PDHX: variants seen among roughly 807,000 people sequenced by gnomAD.
The protein encoded by PDHX is pyruvate dehydrogenase complex component X.
In PDHX, 33 loss-of-function variants were observed where a neutral mutation model predicts 55.3. The observed-to-expected ratio is 0.60, with a 90% CI of 0.45 to 0.80. The LOEUF (loss-of-function observed/expected upper bound fraction) is 0.80, where lower values mean the gene tolerates loss of function less well. Among genes scored for constraint, PDHX ranks in the 30% least tolerant of loss-of-function variants. The probability of loss-of-function intolerance (pLI) is 0.00; values close to 1 mark genes in which losing one functional copy is unlikely to be tolerated. For synonymous variants in PDHX, 226 were observed against 219.4 expected (o/e 1.03, Z -0.27); for missense variants, 622 against 619.9 (o/e 1.00, Z -0.04).
At chr11:34,943,653 C>A (rs1854546804) in intron 2 of PDHX, among the ~76,000 whole-genome samples, 1 of 152,150 alleles carries the variant, frequency 6.6e-6, no homozygotes, top group South Asian at 2.1e-4. Flanking sequence ...TTGGTCTCTT[C>A]CTGCATATCT....
At chr11:34,935,183 T>A (rs187848337) in intron 2 of PDHX, among the ~76,000 whole-genome samples, 43 of 151,980 alleles carry the variant, frequency 2.8e-4, no homozygotes, top group African/African-American at 7.2e-4. Flanking sequence ...TAAATTTTTT[T>A]AATATATTTT....
chr11:34,959,707 A>G (rs922108678), intron 4 of PDHX, among the ~76,000 whole-genome samples: 7 of 152,186 alleles, frequency 4.6e-5, no homozygotes, highest in East Asian at 1.9e-4. Flanking sequence ...CCAAAATGCT[A>G]TGAAATGTGA....
chr11:34,918,347 G>A (rs992832976), intron 1 of PDHX, among the ~76,000 whole-genome samples: 1 of 152,050 alleles, frequency 6.6e-6, no homozygotes, highest in East Asian at 1.9e-4. Flanking sequence ...TGAGGCAGGA[G>A]GATCCGTTGA....
At chr11:34,917,651 A>G (rs961262257) in intron 1 of PDHX, among the ~76,000 whole-genome samples, 4 of 152,138 alleles carry the variant, frequency 2.6e-5, no homozygotes, top group African/African-American at 9.7e-5. Context: ...TAGGTCTAGT[A>G]GACGTTGCCT....
intron 2 of PDHX, 123 bp downstream of exon 2, chr11:34,931,607 T>C: frequency 1.5e-6 from 1 of 662,650 alleles, no homozygotes; most frequent in Non-Finnish European, 2.7e-6. Flanking sequence ...TTGTGTTCCT[T>C]TGGTAGTTAA....
At chr11:34,929,142 C>T (rs952273670) in intron 1 of PDHX, among the ~76,000 whole-genome samples, 5 of 82,398 alleles carry the variant, frequency 6.1e-5, no homozygotes, top group African/African-American at 2.0e-4. Context: ...CTCATTGTGG[C>T]TATTTTTCCT....
chr11:34,929,531 G>C (rs1854105368), intron 1 of PDHX, among the ~76,000 whole-genome samples: 1 of 152,186 alleles, frequency 6.6e-6, no homozygotes, highest in South Asian at 2.1e-4. Flanking sequence ...TGGGGAAAAG[G>C]CTTATAAGGA....
At chr11:34,972,464 C>T (rs568927782) in intron 7 of PDHX, among the ~76,000 whole-genome samples, 1 of 150,700 alleles carries the variant, frequency 6.6e-6, no homozygotes, top group African/African-American at 2.4e-5. Flanking sequence ...GTGGTGCGAT[C>T]TCGGTTCACT....
chr11:34,980,959 A>AG (rs1281634230), intron 8 of PDHX, among the ~76,000 whole-genome samples: 1 of 152,172 alleles, frequency 6.6e-6, no homozygotes, highest in Non-Finnish European at 1.5e-5. Context: ...GATTATTAAT[A>AG]GGCAGGGTTT....
intron 2 of PDHX, among the ~76,000 whole-genome samples, chr11:34,944,698 G>C (rs1028015916): frequency 3.3e-5 from 5 of 152,110 alleles, no homozygotes; most frequent in African/African-American, 1.2e-4. Flanking sequence ...ATGCTTGCCT[G>C]TTAATATTGC....
At position 34,995,112 on chromosome 11, in the gene PDHX, G is replaced by A; in HGVS notation, c.1446G>A (p.Leu482=). Residue 482 remains leucine, a synonymous_variant, in exon 11 of 11, where the codon CTG becomes CTA. Transcript: ENST00000227868. ...ACAGTCGAGTGGTTGATGACGAACT[G>A]GCAACCAGGTTTCTTAAAAGTTTTA... ...SSDSRVVDDE[L]ATRFLKSFKA... 6.2e-7 allele frequency: 1 copy of A among 1,613,980 alleles called. No homozygotes were observed. The highest frequency in any genetic ancestry group is 2.2e-5 in the East Asian group (1 of 44,874).
chr11:34,944,417 G>A (rs1417838224), intron 2 of PDHX, among the ~76,000 whole-genome samples: 1 of 152,106 alleles, frequency 6.6e-6, no homozygotes, highest in East Asian at 1.9e-4. Flanking sequence ...TACACGCCTG[G>A]CCACCCCAAT....
At chr11:34,916,569 TG>T, upstream of PDHX, 2 of 1,563,036 alleles carry the variant, frequency 1.3e-6, no homozygotes, top group South Asian at 1.2e-5. Flanking sequence ...CGCTAGCGTC[TG>T]GGGGCGTGGC....
intron 8 of PDHX, 54 bp from the exon 9 acceptor site, chr11:34,984,516 C>T: frequency 2.7e-6 from 4 of 1,465,424 alleles, no homozygotes; most frequent in South Asian, 2.3e-5. Context: ...TTTTCTGTAA[C>T]CGCCTTGGTC....
intron 9 of PDHX, among the ~76,000 whole-genome samples, chr11:34,986,621 A>T (rs907032343): frequency 6.6e-6 from 1 of 152,222 alleles, no homozygotes; most frequent in African/African-American, 2.4e-5. Context: ...GCAATTTACC[A>T]AATTTACTGC....
intron 2 of PDHX, among the ~76,000 whole-genome samples, chr11:34,942,930 AAG>A (rs1268835980): frequency 1.3e-5 from 2 of 152,216 alleles, no homozygotes; most frequent in East Asian, 3.8e-4. Flanking sequence ...TTTTTTAAAA[AAG>A]AAAAAAAGGC....
chr11:34,929,087 A>G (rs977603145), intron 1 of PDHX, among the ~76,000 whole-genome samples: 69 of 152,280 alleles, frequency 4.5e-4, no homozygotes, highest in Non-Finnish European at 2.9e-4. Flanking sequence ...TTTGTTCTTC[A>G]GTGTCTTCCA....
In PDHX at chr11:34,995,809, TCTAA is replaced by T. The variant is rs1855847027; in HGVS notation, c.*638_*641del. The T allele has an allele frequency of 6.6e-6, 1 of 152,590 alleles. No individual in the cohort carries two copies. The highest frequency in any genetic ancestry group is 2.1e-4 in the South Asian group (1 of 4,822). The allele number at this position is 152,590 out of a possible 1,614,324, so 9.5% of individuals were successfully genotyped here. On this transcript the variant is annotated 3_prime_UTR_variant, in exon 11 of 11. Transcript: ENST00000227868. The stretch of plus-strand genomic sequence containing the variant: ...TTTCACTTATATAACACTGTGAACT[TCTAA>T]AGCAAGAGGATAAAAGAAGCATGAA...
chr11:34,982,626 CAG>C (rs199501101), intron 8 of PDHX, among the ~76,000 whole-genome samples: 3,628 of 152,254 alleles, frequency 0.024, 74 homozygotes, highest in South Asian at 0.082. Flanking sequence ...AAACTACCGT[CAG>C]AGAATACTAT....
Sources: allele counts gnomAD v4.1 joint callset (sites outside exome capture counted in the v4.1 genomes callset), GRCh38; gene constraint gnomAD v4.1.1; transcripts MANE v1.5; gene names NCBI Gene and HGNC (gene_info 2026-07-23, HGNC 2026-07-21).